Variants in NEO1 observed in about 807,000 individuals in gnomAD.
NEO1 encodes neogenin.
Under a neutral mutation model 159.7 loss-of-function variants are expected in NEO1, and 63 were observed. The observed-to-expected ratio is 0.39, with a 90% CI of 0.32 to 0.49. The LOEUF (loss-of-function observed/expected upper bound fraction) is 0.49, where lower values mean the gene tolerates loss of function less well. Among genes scored for constraint, NEO1 ranks in the 20% least tolerant of loss-of-function variants. NEO1 has a pLI of 0.85. For synonymous variants in NEO1, 633 were observed against 662.0 expected (o/e 0.96, Z 0.67); for missense variants, 1,615 against 1,831.0 (o/e 0.88, Z 2.15).
intron 1 of NEO1, among the ~76,000 whole-genome samples, chr15:73,094,596 G>T (rs978686619): frequency 1.3e-5 from 2 of 152,134 alleles, no homozygotes; most frequent in African/African-American, 2.4e-5. Context: ...CTACACAATT[G>T]ATTGGTATAC....
chr15:73,106,499 G>A (rs1410994755), intron 1 of NEO1, among the ~76,000 whole-genome samples: 1 of 152,126 alleles, frequency 6.6e-6, no homozygotes, highest in Non-Finnish European at 1.5e-5. Context: ...TGTGCAATAA[G>A]TCTTCTAAAT....
chr15:73,270,808 C>T (rs1285504079), intron 18 of NEO1, among the ~76,000 whole-genome samples: 1 of 152,184 alleles, frequency 6.6e-6, no homozygotes, highest in African/African-American at 2.4e-5. Context: ...GCTGGGTGAC[C>T]CCAAAGCTGC....
intron 15 of NEO1, among the ~76,000 whole-genome samples, chr15:73,263,426 C>T (rs1026271720): frequency 6.6e-6 from 1 of 152,100 alleles, no homozygotes; most frequent in Non-Finnish European, 1.5e-5. Flanking sequence ...AACTCCTGAC[C>T]TCAGATGATC....
At chr15:73,202,343 G>T (rs2036947320) in intron 7 of NEO1, among the ~76,000 whole-genome samples, 1 of 152,030 alleles carries the variant, frequency 6.6e-6, no homozygotes, top group African/African-American at 2.4e-5. Context: ...AATACATGAA[G>T]ATCTTCAAAA....
intron 1 of NEO1, among the ~76,000 whole-genome samples, chr15:73,116,240 A>G (rs2071304134): frequency 6.6e-6 from 1 of 152,164 alleles, no homozygotes; most frequent in South Asian, 2.1e-4. Flanking sequence ...AAGTATTTAT[A>G]AATCTGATTC....
chr15:73,081,696 C>T (rs1262958284), intron 1 of NEO1, among the ~76,000 whole-genome samples: 1 of 151,890 alleles, frequency 6.6e-6, no homozygotes, highest in Non-Finnish European at 1.5e-5. Flanking sequence ...CCACCTTAGC[C>T]CCCAGAGTAG....
chr15:73,260,700 A>G (rs1212213891), intron 15 of NEO1, among the ~76,000 whole-genome samples: 2 of 152,058 alleles, frequency 1.3e-5, no homozygotes. Flanking sequence ...CAGGTTTTGC[A>G]TTTTTGGAAG....
In NEO1 at chr15:73,257,132, C is replaced by CACAAA. The variant is rs2040396794; in HGVS notation, c.2093-1633_2093-1632insCAAAA. 5.5e-5 allele frequency among the ~76,000 whole-genome samples: 3 copies of CACAAA among 54,768 alleles called. 1 individual carries two copies. The highest frequency in any genetic ancestry group is 6.6e-4 in the Admixed American group (2 of 3,032). The allele number at this position is 54,768 out of a possible 152,430, so 35.9% of individuals were successfully genotyped here. A position where few individuals can be genotyped will look rare whatever the true frequency, so the allele number is the denominator to read the frequency against. On this transcript the variant is annotated intron_variant, in intron 13 of 28. Transcript: ENST00000261908. Reference sequence around the variant, plus strand: ...GGGCAACAGAGAGAGACTCTGTCTCCAAAAAAAAAAAAAAAAAAAAAGTTT... The same window carrying CACAAA: ...GGGCAACAGAGAGAGACTCTGTCTCCACAAAAAAAAAAAAAAAAAAAAAAAAGTTT...
chr15:73,091,240 C>T (rs1410489200), intron 1 of NEO1, among the ~76,000 whole-genome samples: 1 of 152,122 alleles, frequency 6.6e-6, no homozygotes, highest in African/African-American at 2.4e-5. Context: ...CAAGCTGATG[C>T]CTACTATGTG....
At chr15:73,064,533 G>A (rs1326807654) in intron 1 of NEO1, among the ~76,000 whole-genome samples, 2 of 152,100 alleles carry the variant, frequency 1.3e-5, no homozygotes, top group Non-Finnish European at 2.9e-5. Context: ...GGTGTGGTCT[G>A]AGCTCACTGT....
At chr15:73,173,569 T>C (rs1033871877) in intron 5 of NEO1, among the ~76,000 whole-genome samples, 2 of 152,210 alleles carry the variant, frequency 1.3e-5, no homozygotes, top group East Asian at 1.9e-4. Flanking sequence ...AATGTTGTTA[T>C]AGTACAGAAG....
intron 15 of NEO1, among the ~76,000 whole-genome samples, chr15:73,262,995 C>G (rs1348993606): frequency 6.6e-6 from 1 of 151,956 alleles, no homozygotes; most frequent in African/African-American, 2.4e-5. Context: ...AGTGACAAAG[C>G]AAGATCAGTG....
At position 73,057,021 on chromosome 15, in the gene NEO1, C is replaced by A. The variant is rs567801510; in HGVS notation, c.130+4216C>A. 1.7e-3 allele frequency among the ~76,000 whole-genome samples: 263 copies of A among 152,176 alleles called. 1 individual carries two copies. Among genetic ancestry groups the A allele is most frequent in the African/African-American group, 6.1e-3 (252 of 41,504 alleles). ...GATAGTGAAAAGACATACATGAAGG[C>A]AGAGGATATGGGGTATGACTTGTGG... On this transcript the variant is annotated intron_variant, in intron 1 of 28. Coordinates refer to ENST00000261908, the MANE Select transcript of NEO1 (RefSeq NM_002499.4).
chr15:73,270,477 T>C, intron 18 of NEO1, 23 bp downstream of exon 18: 2 of 1,582,854 alleles, frequency 1.3e-6, no homozygotes, highest in Non-Finnish European at 1.7e-6. Flanking sequence ...AGAAGCCATG[T>C]CACATGGCTG....
chr15:73,267,578 C>T (rs1238660611), intron 16 of NEO1, among the ~76,000 whole-genome samples: 1 of 145,684 alleles, frequency 6.9e-6, no homozygotes, highest in Non-Finnish European at 1.5e-5. Flanking sequence ...GTGATGTTCC[C>T]CTTCCTGTGT....
At chr15:73,218,975 T>C (rs1264792468) in intron 7 of NEO1, among the ~76,000 whole-genome samples, 1 of 152,052 alleles carries the variant, frequency 6.6e-6, no homozygotes, top group Non-Finnish European at 1.5e-5. Flanking sequence ...CTTTTGAATG[T>C]GTTTGCTCTT....
chr15:73,284,887 C>A (rs569871482), intron 23 of NEO1, among the ~76,000 whole-genome samples: 1 of 152,152 alleles, frequency 6.6e-6, no homozygotes, highest in South Asian at 2.1e-4. Context: ...TGCGCCCGGC[C>A]CTGTCTACTT....
chr15:73,114,256 G>A (rs1013034914), intron 1 of NEO1, among the ~76,000 whole-genome samples: 4 of 152,108 alleles, frequency 2.6e-5, no homozygotes, highest in African/African-American at 9.7e-5. Context: ...GACTGGGAGA[G>A]CAATGCAGGG....
chr15:73,300,273 G>T, intron 27 of NEO1, among the ~76,000 whole-genome samples: 1 of 152,142 alleles, frequency 6.6e-6, no homozygotes, highest in African/African-American at 2.4e-5. Context: ...TTTATCATTG[G>T]CAAGAAACAC....
Sources: allele counts gnomAD v4.1 joint callset (sites outside exome capture counted in the v4.1 genomes callset), GRCh38; gene constraint gnomAD v4.1.1; transcripts MANE v1.5; gene names NCBI Gene and HGNC (gene_info 2026-07-23, HGNC 2026-07-21).